The following SVOP variants were observed in gnomAD, a reference collection of about 807,000 sequenced individuals.
The protein encoded by SVOP is SV2 related protein.
A neutral mutation model predicts 69.1 loss-of-function variants in SVOP; 17 were observed. That is an observed-to-expected ratio of 0.25 (90% CI 0.17 to 0.37). SVOP has a LOEUF of 0.37. Among genes scored for constraint, SVOP ranks in the 10% least tolerant of loss-of-function variants. The pLI, the probability that SVOP is intolerant of heterozygous loss-of-function variation, is 1.00. For synonymous variants in SVOP, 238 were observed against 238.6 expected (o/e 1.00, Z 0.02); for missense variants, 435 against 597.5 (o/e 0.73, Z 2.84).
intron 4 of SVOP, among the ~76,000 whole-genome samples, chr12:108,974,804 C>T (rs2040098209): frequency 6.6e-6 from 1 of 151,898 alleles, no homozygotes; most frequent in African/African-American, 2.4e-5. Context: ...AAAAGCAATG[C>T]AAAATTTCCA....
At chr12:109,007,567 A>G (rs1441081396) in intron 1 of SVOP, among the ~76,000 whole-genome samples, 1 of 152,214 alleles carries the variant, frequency 6.6e-6, no homozygotes, top group African/African-American at 2.4e-5. Context: ...CTGCTTTAGG[A>G]GGCAGTGGGC....
At chr12:108,930,788 G>A (rs1489817120) in intron 11 of SVOP, among the ~76,000 whole-genome samples, 1 of 152,164 alleles carries the variant, frequency 6.6e-6, no homozygotes, top group Admixed American at 6.5e-5. Context: ...GTAGATTACA[G>A]TCTGTTCACA....
chr12:108,926,279 C>T (rs1184508080), intron 11 of SVOP, among the ~76,000 whole-genome samples: 1 of 152,144 alleles, frequency 6.6e-6, no homozygotes, highest in Non-Finnish European at 1.5e-5. Context: ...TAAGTAAGAA[C>T]ATGTCGTATT....
At chr12:108,945,847 G>T (rs967224855) in intron 6 of SVOP, among the ~76,000 whole-genome samples, 1 of 152,102 alleles carries the variant, frequency 6.6e-6, no homozygotes, top group Non-Finnish European at 1.5e-5. Context: ...CCCATCACTG[G>T]TGACATTAAT....
At chr12:108,920,227 A>C (rs919329735) in intron 12 of SVOP, among the ~76,000 whole-genome samples, 6 of 152,338 alleles carry the variant, frequency 3.9e-5, no homozygotes, top group Admixed American at 3.9e-4. Context: ...CAGCCACATG[A>C]AATATGCTGA....
chr12:108,981,382 A>G (rs937107138), intron 2 of SVOP, among the ~76,000 whole-genome samples: 3 of 152,180 alleles, frequency 2.0e-5, no homozygotes, highest in Non-Finnish European at 4.4e-5. Context: ...TTGCCACCTT[A>G]TCTCTGCCAA....
At chr12:108,995,131 C>A (rs1219284387) in intron 1 of SVOP, among the ~76,000 whole-genome samples, 1 of 150,622 alleles carries the variant, frequency 6.6e-6, no homozygotes, top group African/African-American at 2.4e-5. Flanking sequence ...GGCAACAGAG[C>A]TAGAACCTGT....
intron 5 of SVOP, among the ~76,000 whole-genome samples, chr12:108,962,955 A>C (rs1375253807): frequency 1.3e-5 from 2 of 151,948 alleles, no homozygotes; most frequent in African/African-American, 4.8e-5. Flanking sequence ...ACAGAGTGAG[A>C]CTCTATCTCA....
rs1245369825 is a variant in SVOP at position 108,945,125 on chromosome 12, G to C, written c.620C>G (p.Ala207Gly). ...YAEFLPMKAR[A>G]KCILLIEVFW... ...TACCTCAATCAGCAAAATACATTTA[G>C]CTCTGGCTTTCATGGGAAGGAACTC... The change falls in exon 7 of 16, where the codon GCT becomes GGT. Residue 207 changes from alanine to glycine, a missense_variant. Transcript: ENST00000610966. 6.5e-7 allele frequency: 1 copy of C among 1,537,050 alleles called. No homozygotes were observed. Among genetic ancestry groups the C allele is most frequent in the Admixed American group, 2.0e-5 (1 of 50,990 alleles).
chr12:109,017,611 A>G (rs2040374625), intron 1 of SVOP, among the ~76,000 whole-genome samples: 1 of 152,136 alleles, frequency 6.6e-6, no homozygotes, highest in African/African-American at 2.4e-5. Context: ...GTGCAGTGGC[A>G]CAATCTTTGC....
chr12:108,980,636 G>A (rs2040130598), intron 2 of SVOP, among the ~76,000 whole-genome samples: 1 of 123,158 alleles, frequency 8.1e-6, no homozygotes, highest in African/African-American at 3.4e-5. Flanking sequence ...TGTAGTCCCA[G>A]CTACTCAGGA....
chr12:108,956,997 G>A (rs1178694503), intron 6 of SVOP, among the ~76,000 whole-genome samples: 1 of 152,094 alleles, frequency 6.6e-6, no homozygotes, highest in African/African-American at 2.4e-5. Flanking sequence ...AGATTCATGG[G>A]TCTGGAAATT....
At chr12:108,928,568 AT>A (rs58720673) in intron 11 of SVOP, among the ~76,000 whole-genome samples, 9,625 of 142,726 alleles carry the variant, frequency 0.067, 708 homozygotes, top group Admixed American at 0.25. Flanking sequence ...GGATTTTCTG[AT>A]TTTTTTTTTT....
At chr12:109,000,227 C>T (rs1413751403) in intron 1 of SVOP, among the ~76,000 whole-genome samples, 2 of 151,542 alleles carry the variant, frequency 1.3e-5, no homozygotes, top group Non-Finnish European at 3.0e-5. Context: ...TGGATAAATT[C>T]CTCGACACAT....
At chr12:108,964,874 G>C (rs1480121908) in intron 5 of SVOP, among the ~76,000 whole-genome samples, 1 of 152,112 alleles carries the variant, frequency 6.6e-6, no homozygotes. Context: ...CTCCAGGGTA[G>C]ATGCATAGAC....
At chr12:108,971,362 G>A (rs1048433763) in intron 5 of SVOP, among the ~76,000 whole-genome samples, 2 of 151,334 alleles carry the variant, frequency 1.3e-5, no homozygotes, top group South Asian at 2.1e-4. Flanking sequence ...CCAGGAGGCC[G>A]AGGTTGCAGT....
intron 3 of SVOP, chr12:108,978,319 G>A: frequency 2.3e-6 from 1 of 435,326 alleles, no homozygotes; most frequent in South Asian, 3.3e-5. Flanking sequence ...TAGTAGCCCT[G>A]AGCCCAAAGA....
At chr12:108,917,997 TC>T (rs1241605976) in intron 14 of SVOP, 45 bp downstream of exon 14, 5 of 1,453,554 alleles carry the variant, frequency 3.4e-6, no homozygotes, top group East Asian at 2.5e-5. Context: ...ACAGCCACTC[TC>T]CCCCCACTGC....
intron 7 of SVOP, among the ~76,000 whole-genome samples, chr12:108,944,478 A>C (rs979616513): frequency 6.6e-6 from 1 of 152,172 alleles, no homozygotes; most frequent in Non-Finnish European, 1.5e-5. Context: ...GAGTGGGTTC[A>C]TAGTCATCAC....
Sources: allele counts gnomAD v4.1 joint callset (sites outside exome capture counted in the v4.1 genomes callset), GRCh38; gene constraint gnomAD v4.1.1; transcripts MANE v1.5; gene names NCBI Gene and HGNC (gene_info 2026-07-23, HGNC 2026-07-21).